Variants in GABRB2 observed in about 807,000 individuals in gnomAD.
GABRB2 encodes the protein gamma-aminobutyric acid type A receptor subunit beta2, also known as gamma-aminobutyric acid receptor subunit beta-2.
A neutral mutation model predicts 54.7 loss-of-function variants in GABRB2; 16 were observed. The observed-to-expected ratio is 0.29, with a 90% CI of 0.20 to 0.44. GABRB2 has a LOEUF of 0.44. Among genes scored for constraint, GABRB2 ranks in the 20% least tolerant of loss-of-function variants. The probability of loss-of-function intolerance (pLI) is 1.00; values close to 1 mark genes in which losing one functional copy is unlikely to be tolerated. For missense variants in GABRB2, 355 were observed against 644.0 expected (o/e 0.55, Z 4.86); for synonymous variants, 244 against 233.8 (o/e 1.04, Z -0.40).
intron 5 of GABRB2, among the ~76,000 whole-genome samples, chr5:161,344,126 T>C (rs1754249978): frequency 6.6e-6 from 1 of 152,070 alleles, no homozygotes; most frequent in Non-Finnish European, 1.5e-5. Context: ...TATCTAGCCG[T>C]ATCCAAAGAA....
At chr5:161,540,930 T>A (rs1176336078) in intron 3 of GABRB2, among the ~76,000 whole-genome samples, 1 of 152,128 alleles carries the variant, frequency 6.6e-6, no homozygotes, top group Non-Finnish European at 1.5e-5. Flanking sequence ...CACTGCAACC[T>A]TTGCCACCCA....
At chr5:161,421,487 C>T (rs1012602738) in intron 4 of GABRB2, among the ~76,000 whole-genome samples, 15 of 152,222 alleles carry the variant, frequency 9.9e-5, no homozygotes, top group African/African-American at 3.6e-4. Context: ...CATGGTAAGG[C>T]ACTTGCTGAA....
At chr5:161,537,808 A>T (rs1394507821) in intron 3 of GABRB2, among the ~76,000 whole-genome samples, 2 of 152,028 alleles carry the variant, frequency 1.3e-5, no homozygotes, top group Non-Finnish European at 2.9e-5. Context: ...AATGGTCTTC[A>T]TCTTTTGATC....
chr5:161,463,551 T>TATATA (rs1554102436), intron 3 of GABRB2, among the ~76,000 whole-genome samples: 16 of 30,258 alleles, frequency 5.3e-4, no homozygotes, highest in East Asian at 1.7e-3. Flanking sequence ...CCAAATATTT[T>TATATA]TATTTATATA....
chr5:161,429,271 AG>A (rs934075348), intron 4 of GABRB2, among the ~76,000 whole-genome samples: 3 of 138,952 alleles, frequency 2.2e-5, no homozygotes, highest in Non-Finnish European at 4.6e-5. Context: ...CGCTTGAACA[AG>A]GGGGCAGAAG....
intron 9 of GABRB2, among the ~76,000 whole-genome samples, chr5:161,318,505 C>T (rs145445965): frequency 1.2e-3 from 189 of 152,004 alleles, no homozygotes; most frequent in African/African-American, 4.2e-3. Context: ...TGAAATTATA[C>T]TTTTATTAAG....
intron 7 of GABRB2, among the ~76,000 whole-genome samples, chr5:161,333,169 G>A (rs1360001378): frequency 2.0e-5 from 3 of 151,854 alleles, no homozygotes; most frequent in African/African-American, 7.3e-5. Flanking sequence ...TCCTGTAATC[G>A]ATACAAAAAA....
intron 3 of GABRB2, among the ~76,000 whole-genome samples, chr5:161,463,555 TTATATATATATATA>T (rs869302091): frequency 8.4e-5 from 2 of 23,710 alleles, no homozygotes; most frequent in African/African-American, 3.6e-4. Flanking sequence ...ATATTTTTAT[TTATATATATATATA>T]TATATATATA....
intron 5 of GABRB2, among the ~76,000 whole-genome samples, chr5:161,378,728 A>G (rs1261212505): frequency 7.9e-6 from 1 of 126,384 alleles, no homozygotes; most frequent in East Asian, 2.4e-4. Context: ...ACTTGGTTTG[A>G]AAGTTACAGC....
intron 5 of GABRB2, among the ~76,000 whole-genome samples, chr5:161,391,254 T>C (rs1755811681): frequency 6.6e-6 from 1 of 152,224 alleles, no homozygotes; most frequent in South Asian, 2.1e-4. Flanking sequence ...CTCTACACTT[T>C]GGCATTTGAC....
chr5:161,365,740 C>T (rs1179572356), intron 5 of GABRB2, among the ~76,000 whole-genome samples: 3 of 152,172 alleles, frequency 2.0e-5, no homozygotes, highest in African/African-American at 7.2e-5. Context: ...CTGTTTATCT[C>T]CAAAGCATGT....
intron 3 of GABRB2, among the ~76,000 whole-genome samples, chr5:161,525,415 C>A (rs1760248079): frequency 6.6e-6 from 1 of 151,176 alleles, no homozygotes; most frequent in African/African-American, 2.4e-5. Context: ...TAAAAAAGGT[C>A]TTTCAATTGT....
chr5:161,469,234 T>G (rs1043915107), intron 3 of GABRB2, among the ~76,000 whole-genome samples: 16 of 152,052 alleles, frequency 1.1e-4, no homozygotes, highest in African/African-American at 3.6e-4. Flanking sequence ...ATTATAAAAC[T>G]AGTATCTAAC....
intron 4 of GABRB2, among the ~76,000 whole-genome samples, chr5:161,455,529 ATTTTTTT>A (rs34494220): frequency 1.5e-5 from 2 of 137,916 alleles, no homozygotes; most frequent in African/African-American, 5.4e-5. Context: ...TTGTTCCCCA[ATTTTTTT>A]TTTTTTTTTT....
intron 3 of GABRB2, among the ~76,000 whole-genome samples, chr5:161,461,684 C>A (rs1301034646): frequency 6.6e-6 from 1 of 152,140 alleles, no homozygotes; most frequent in Non-Finnish European, 1.5e-5. Context: ...ATTTGAAAAG[C>A]ATAATTACAA....
At chr5:161,490,789 A>G (rs944860359) in intron 3 of GABRB2, among the ~76,000 whole-genome samples, 1 of 151,778 alleles carries the variant, frequency 6.6e-6, no homozygotes, top group East Asian at 1.9e-4. Flanking sequence ...CATTTTCTTC[A>G]AAACATTCTC....
chr5:161,421,424 C>T (rs1756847428), intron 4 of GABRB2, among the ~76,000 whole-genome samples: 1 of 152,198 alleles, frequency 6.6e-6, no homozygotes, highest in Non-Finnish European at 1.5e-5. Flanking sequence ...CTGGGACACG[C>T]AGCATCAGTA....
chr5:161,431,555 A>G (rs190078514), intron 4 of GABRB2, among the ~76,000 whole-genome samples: 5 of 152,346 alleles, frequency 3.3e-5, no homozygotes, highest in Non-Finnish European at 5.9e-5. Flanking sequence ...AGCCTCCATA[A>G]CAATAAATAA....
At chr5:161,487,507 T>C (rs1758963980) in intron 3 of GABRB2, among the ~76,000 whole-genome samples, 1 of 151,854 alleles carries the variant, frequency 6.6e-6, no homozygotes, top group South Asian at 2.1e-4. Flanking sequence ...TCAAATTCAT[T>C]TTTGGCATAT....
Sources: allele counts gnomAD v4.1 joint callset (sites outside exome capture counted in the v4.1 genomes callset), GRCh38; gene constraint gnomAD v4.1.1; transcripts MANE v1.5; gene names NCBI Gene and HGNC (gene_info 2026-07-23, HGNC 2026-07-21).